The following RBFOX3 variants were observed in gnomAD, a reference collection of about 807,000 sequenced individuals.
RBFOX3 encodes RNA binding protein fox-1 homolog 3.
Under a neutral mutation model 48.7 loss-of-function variants are expected in RBFOX3, and 17 were observed. That is an observed-to-expected ratio of 0.35 (90% CI 0.24 to 0.52). The LOEUF (loss-of-function observed/expected upper bound fraction) is 0.52, where lower values mean the gene tolerates loss of function less well. Ranked by LOEUF, RBFOX3 falls within the 20% of genes least tolerant of loss-of-function variation. The pLI is 0.94. For synonymous variants in RBFOX3, 212 were observed against 209.5 expected (o/e 1.01, Z -0.10); for missense variants, 382 against 497.5 (o/e 0.77, Z 2.21).
intron 3 of RBFOX3, among the ~76,000 whole-genome samples, chr17:79,263,191 C>A (rs865852548): frequency 6.6e-6 from 1 of 152,208 alleles, no homozygotes; most frequent in Non-Finnish European, 1.5e-5. Context: ...CCTCCCCCAA[C>A]CTTTGGAGGG....
At chr17:79,349,564 C>T (rs1220158311) in intron 2 of RBFOX3, among the ~76,000 whole-genome samples, 2 of 152,094 alleles carry the variant, frequency 1.3e-5, no homozygotes, top group Non-Finnish European at 2.9e-5. Flanking sequence ...TGAGCATTTC[C>T]CTGACCATGG....
intron 3 of RBFOX3, among the ~76,000 whole-genome samples, chr17:79,272,787 G>A (rs2067975541): frequency 6.6e-6 from 1 of 152,154 alleles, no homozygotes; most frequent in Non-Finnish European, 1.5e-5. Flanking sequence ...GAGGGCTCTG[G>A]ATGCAGGAAG....
intron 1 of RBFOX3, among the ~76,000 whole-genome samples, chr17:79,529,748 G>A (rs2087409484): frequency 6.6e-6 from 1 of 152,208 alleles, no homozygotes; most frequent in East Asian, 1.9e-4. Flanking sequence ...GAGTGAGGAA[G>A]GAAGGGTCGA....
chr17:79,400,904 G>C (rs2062715813), intron 2 of RBFOX3, among the ~76,000 whole-genome samples: 1 of 152,172 alleles, frequency 6.6e-6, no homozygotes, highest in Non-Finnish European at 1.5e-5. Flanking sequence ...ACAACACCTT[G>C]CCACCTGGGG....
intron 4 of RBFOX3, among the ~76,000 whole-genome samples, chr17:79,181,415 C>T (rs1170217923): frequency 6.6e-6 from 1 of 152,228 alleles, no homozygotes; most frequent in African/African-American, 2.4e-5. Flanking sequence ...GGCTGGGAAC[C>T]TGACCTCGGA....
At chr17:79,534,481 G>A (rs2088359597) in intron 1 of RBFOX3, among the ~76,000 whole-genome samples, 2 of 152,238 alleles carry the variant, frequency 1.3e-5, no homozygotes, top group South Asian at 4.1e-4. Context: ...AGCAGGGTAT[G>A]TCGTCACATA....
the RBFOX3 span, among the ~76,000 whole-genome samples, chr17:79,620,541 ACACGCATGCACACATGTGCACACC>A: frequency 6.7e-6 from 1 of 150,372 alleles, no homozygotes; most frequent in Non-Finnish European, 1.5e-5. Flanking sequence ...GCACATGCAC[ACACGCATGCACACATGTGCACACC>A]CGCGCGTGCA....
At chr17:79,273,924 C>T (rs1375460330) in intron 3 of RBFOX3, among the ~76,000 whole-genome samples, 2 of 152,178 alleles carry the variant, frequency 1.3e-5, no homozygotes, top group South Asian at 2.1e-4. Context: ...GGTCTCCCTG[C>T]CTCCTCCGTT....
intron 2 of RBFOX3, among the ~76,000 whole-genome samples, chr17:79,478,946 G>A (rs1252550828): frequency 6.6e-6 from 1 of 152,204 alleles, no homozygotes; most frequent in African/African-American, 2.4e-5. Flanking sequence ...CAGGGCTGAG[G>A]CAATGTCCTA....
intron 2 of RBFOX3, among the ~76,000 whole-genome samples, chr17:79,414,797 GA>G (rs2065047307): frequency 1.3e-5 from 2 of 152,358 alleles, no homozygotes; most frequent in Non-Finnish European, 2.9e-5. Flanking sequence ...AGGCTCTGGT[GA>G]AAAGATGGGC....
intron 1 of RBFOX3, among the ~76,000 whole-genome samples, chr17:79,595,356 C>T (rs2093541310): frequency 6.6e-6 from 1 of 152,232 alleles, no homozygotes; most frequent in Non-Finnish European, 1.5e-5. Flanking sequence ...AGCAACCGCT[C>T]GCTGGGCACC....
rs2149464110 is a variant in RBFOX3, at chr17:79,479,148, T to C, written c.-175+3306A>G. On this transcript the variant is annotated intron_variant, in intron 2 of 14. Transcript: ENST00000693108. The surrounding 1 kb of genome is among the most constrained non-coding windows in gnomAD (Gnocchi z 5.1). ...TCCATCACTGTTCTCCAAGTCCCTC[T>C]TAGGAAGCCCCTTCCTCTAGTCACA... Among the ~76,000 whole-genome samples the C allele has an allele frequency of 6.6e-6, 1 of 152,324 alleles. No homozygotes were observed. Among genetic ancestry groups the C allele is most frequent in the Non-Finnish European group, 1.5e-5 (1 of 68,014 alleles).
intron 4 of RBFOX3, among the ~76,000 whole-genome samples, chr17:79,202,399 G>A (rs933465164): frequency 3.9e-5 from 6 of 152,100 alleles, no homozygotes; most frequent in Non-Finnish European, 5.9e-5. Flanking sequence ...CTGTGCTCAC[G>A]GCAGACCACT....
chr17:79,591,092 G>C (rs1009015531), intron 1 of RBFOX3, among the ~76,000 whole-genome samples: 3 of 152,192 alleles, frequency 2.0e-5, no homozygotes, highest in African/African-American at 7.2e-5. Context: ...TCCCAAGCCT[G>C]CTCACTGTTC....
At chr17:79,346,188 G>T (rs1234342201) in intron 2 of RBFOX3, among the ~76,000 whole-genome samples, 1 of 152,156 alleles carries the variant, frequency 6.6e-6, no homozygotes, top group African/African-American at 2.4e-5. Flanking sequence ...CTCCCAAAGT[G>T]CTAGGATTAC....
intron 2 of RBFOX3, among the ~76,000 whole-genome samples, chr17:79,328,532 C>T (rs531064174): frequency 6.6e-6 from 1 of 152,236 alleles, no homozygotes; most frequent in South Asian, 2.1e-4. Flanking sequence ...TGGAAATGGC[C>T]ACCCATGACC....
At chr17:79,371,786 G>C (rs966249355) in intron 2 of RBFOX3, among the ~76,000 whole-genome samples, 1 of 152,216 alleles carries the variant, frequency 6.6e-6, no homozygotes, top group Non-Finnish European at 1.5e-5. Context: ...CTTGGGAGCA[G>C]AGCCTCGCCC....
the RBFOX3 span, among the ~76,000 whole-genome samples, chr17:79,620,051 A>C: frequency 6.6e-6 from 1 of 150,958 alleles, no homozygotes; most frequent in Non-Finnish European, 1.5e-5. Context: ...ACACACGCAC[A>C]TGCACACATA....
At position 79,412,554 on chromosome 17, in the gene RBFOX3, GTGTGTGC is replaced by G. The variant is rs574297921; in HGVS notation, c.-175+69893_-175+69899del. On this transcript the variant is annotated intron_variant, in intron 2 of 14. Transcript: ENST00000693108. ...TGTATGCATGTGTTGTATGTGATAT[GTGTGTGC>G]TGTGTGGTATGTGTGTGTATGCACG... is the stretch of plus-strand genomic sequence containing the variant. 6.5e-4 allele frequency among the ~76,000 whole-genome samples: 99 copies of G among 151,340 alleles called. 2 individuals are homozygous for G. The East Asian group carries it at 0.019, about 29-fold the overall frequency.
Sources: gnomAD v4.1 joint callset for allele counts (sites outside exome capture counted in the v4.1 genomes callset) on GRCh38, gnomAD v4.1.1 for gene constraint, Gnocchi (gnomAD v3.1) non-coding constraint, MANE v1.5 for transcripts, NCBI Gene and HGNC (gene_info 2026-07-23, HGNC 2026-07-21) for gene names.